The following ABCC8 variants were observed in gnomAD, a reference collection of about 807,000 sequenced individuals.
ABCC8 encodes ATP-binding cassette sub-family C member 8.
In ABCC8, 137 loss-of-function variants were observed where a neutral mutation model predicts 188.0. That is an observed-to-expected ratio of 0.73 (90% CI 0.63 to 0.84). ABCC8 has a LOEUF of 0.84. Among genes scored for constraint, ABCC8 ranks in the 40% least tolerant of loss-of-function variants. ABCC8 has a pLI of 0.00. For synonymous variants in ABCC8, 797 were observed against 846.5 expected, an observed-to-expected ratio of 0.94 and a Z score of 1.01; for missense variants, 1,750 against 2,072.7, an observed-to-expected ratio of 0.84 and a Z score of 3.02.
chr11:17,470,005 T>C (rs1848390176), intron 3 of ABCC8, 96 bp downstream of exon 3: 2 of 1,486,894 alleles, frequency 1.3e-6, no homozygotes, highest in Non-Finnish European at 1.9e-6. Flanking sequence ...AAATCTCTAC[T>C]GTTTAGAGCA....
intron 2 of ABCC8, among the ~76,000 whole-genome samples, chr11:17,472,247 A>G (rs1414140053): frequency 2.0e-5 from 3 of 152,208 alleles, no homozygotes; most frequent in Non-Finnish European, 4.4e-5. Context: ...TACACATTCA[A>G]TTAGTTAAGA....
downstream of ABCC8, chr11:17,392,590 C>A (rs1591700875): frequency 2.8e-6 from 1 of 352,560 alleles, no homozygotes; most frequent in East Asian, 7.4e-5. Flanking sequence ...TGTGAGCACA[C>A]AGCCAGAAGG....
At chr11:17,402,507 G>A (rs537806901) in intron 29 of ABCC8, among the ~76,000 whole-genome samples, 154 bp downstream of exon 29, 7 of 152,312 alleles carry the variant, frequency 4.6e-5, no homozygotes, top group African/African-American at 1.4e-4. Context: ...GTCCCTGCTG[G>A]TGGATATCCC....
intron 16 of ABCC8, among the ~76,000 whole-genome samples, chr11:17,419,628 A>C (rs1468576212): frequency 1.3e-5 from 2 of 152,212 alleles, no homozygotes; most frequent in East Asian, 3.8e-4. Flanking sequence ...CAGAGAAAAA[A>C]CATAATTTTT....
At chr11:17,466,561 G>A (rs912388339) in intron 3 of ABCC8, among the ~76,000 whole-genome samples, 2 of 152,180 alleles carry the variant, frequency 1.3e-5, no homozygotes, top group Non-Finnish European at 2.9e-5. Flanking sequence ...AACCTGGGAA[G>A]ATGAAAAAGT....
chr11:17,450,242 CTTT>C (rs1261824416), intron 7 of ABCC8, among the ~76,000 whole-genome samples: 1 of 52,592 alleles, frequency 1.9e-5, no homozygotes, highest in African/African-American at 2.5e-4. Context: ...CCTTTCTTTT[CTTT>C]TTCTTTCTTT....
At chr11:17,455,910 G>T (rs1478688991) in intron 6 of ABCC8, among the ~76,000 whole-genome samples, 2 of 144,708 alleles carry the variant, frequency 1.4e-5, no homozygotes, top group Non-Finnish European at 3.0e-5. Context: ...GTGCACTCCA[G>T]CCTGGGAGAC....
chr11:17,455,994 T>C (rs1956981246), intron 6 of ABCC8, among the ~76,000 whole-genome samples: 1 of 147,210 alleles, frequency 6.8e-6, no homozygotes, highest in African/African-American at 2.5e-5. Context: ...AGGCCTGCCA[T>C]GCTGCCCAAG....
intron 19 of ABCC8, 50 bp from the exon 20 acceptor site, chr11:17,413,528 G>A (rs775619444): frequency 6.8e-5 from 110 of 1,612,482 alleles, no homozygotes; most frequent in Non-Finnish European, 4.2e-6. Flanking sequence ...GGTCAGAGTT[G>A]GCCCGAGCAC....
chr11:17,406,552 G>C (rs866200184), intron 26 of ABCC8, 70 bp downstream of exon 26: 7 of 1,463,190 alleles, frequency 4.8e-6, no homozygotes, highest in Non-Finnish European at 6.5e-6. Context: ...CCATTTTATA[G>C]ATGGGAAGAC....
At chr11:17,399,040 G>A (rs148561241) in intron 29 of ABCC8, 2,432 of 160,380 alleles carry the variant, frequency 0.015, 43 homozygotes, top group Middle Eastern at 0.033. Flanking sequence ...AGGCTGAGGC[G>A]GGCGGATCAC....
chr11:17,451,231 T>C (rs1292875936), intron 7 of ABCC8, among the ~76,000 whole-genome samples: 1 of 152,230 alleles, frequency 6.6e-6, no homozygotes, highest in Non-Finnish European at 1.5e-5. Context: ...GGTGCAAGTC[T>C]GCCTGTCACT....
chr11:17,419,327 C>T (rs920395884), intron 16 of ABCC8, among the ~76,000 whole-genome samples: 8 of 152,156 alleles, frequency 5.3e-5, no homozygotes, highest in African/African-American at 1.9e-4. Flanking sequence ...TTCCCTCCAG[C>T]CCACTAGGAG....
intron 5 of ABCC8, chr11:17,461,037 A>G: frequency 2.7e-6 from 1 of 369,984 alleles, no homozygotes; most frequent in South Asian, 2.4e-5. Flanking sequence ...GCGAGGGCAG[A>G]GGAAGTGAAG....
Position 17,453,217 on chromosome 11 carries a change from C to G in ABCC8, c.1078G>C (p.Val360Leu). The stretch of plus-strand genomic sequence containing the variant: ...AGTAGGAGGGCAAGGAACAGAAGCA[C>G]AGCTAAGACGTAGGCATTGGCAAGG... ...EFLANAYVLA[V>L]LLFLALLLQR... The change falls in exon 7 of 39, where the codon GTG (valine) becomes CTG (leucine). Residue 360 changes from valine to leucine, a missense_variant. Val to Leu is a conservative substitution (Grantham distance 32). Coordinates refer to ENST00000389817, the MANE Select transcript of ABCC8 (RefSeq NM_000352.6). 1 of 1,614,150 alleles carries G rather than the reference C, an allele frequency of 6.2e-7. No homozygotes were observed. Among genetic ancestry groups the G allele is most frequent in the Non-Finnish European group, 8.5e-7 (1 of 1,180,024 alleles).
chr11:17,425,375 T>C (rs1016640430), intron 16 of ABCC8, among the ~76,000 whole-genome samples: 4 of 152,208 alleles, frequency 2.6e-5, no homozygotes, highest in Non-Finnish European at 5.9e-5. Flanking sequence ...TATTCAGACA[T>C]TGGGCCCAAA....
chr11:17,444,195 T>G (rs572885194), intron 8 of ABCC8: 30 of 152,334 alleles, frequency 2.0e-4, no homozygotes, highest in African/African-American at 7.2e-4. Flanking sequence ...GGCTGGGAAG[T>G]GGCCCCTTCA....
At chr11:17,460,418 C>T (rs1957142527) in intron 6 of ABCC8, 70 bp downstream of exon 6, 4 of 1,609,094 alleles carry the variant, frequency 2.5e-6, no homozygotes, top group Middle Eastern at 1.7e-4. Flanking sequence ...CACACATTGG[C>T]CTGTTGCACT....
intron 20 of ABCC8, 53 bp from the exon 21 acceptor site, chr11:17,412,799 G>A: frequency 6.4e-7 from 1 of 1,568,708 alleles, no homozygotes; most frequent in Non-Finnish European, 8.6e-7. Context: ...AGGAGACACT[G>A]TCCTGTACCC....
Sources: gnomAD v4.1 joint callset for allele counts (sites outside exome capture counted in the v4.1 genomes callset) on GRCh38, gnomAD v4.1.1 for gene constraint, MANE v1.5 for transcripts, NCBI Gene and HGNC (gene_info 2026-07-23, HGNC 2026-07-21) for gene names.